Variants in ANK2 observed in about 807,000 individuals in gnomAD.
ANK2 encodes the protein ankyrin-2.
Under a neutral mutation model 360.5 loss-of-function variants are expected in ANK2, and 83 were observed. That is an observed-to-expected ratio of 0.23 (90% confidence interval 0.19 to 0.28). ANK2 has a LOEUF of 0.28. ANK2 is among the 10% of genes least tolerant of loss of function. ANK2 has a pLI of 1.00. For synonymous variants in ANK2, 1,740 were observed against 1,759.5 expected (o/e 0.99, Z 0.28); for missense variants, 4,201 against 4,795.7 (o/e 0.88, Z 3.66).
At chr4:112,925,622 GA>G in intron 2 of ANK2, among the ~76,000 whole-genome samples, 1 of 152,184 alleles carries the variant, frequency 6.6e-6, no homozygotes, top group East Asian at 1.9e-4. Context: ...ATACCTCAAA[GA>G]AATTTTTAAT....
At chr4:112,788,095 A>T in the ANK2 span, 5 of 1,552,936 alleles carry the variant, frequency 3.2e-6, no homozygotes, top group Admixed American at 5.0e-5. Context: ...AACCCAGTTT[A>T]GTGGCAAGTT....
At chr4:113,133,266 C>T (rs2096177551) in intron 1 of ANK2, among the ~76,000 whole-genome samples, 1 of 152,092 alleles carries the variant, frequency 6.6e-6, no homozygotes, top group Non-Finnish European at 1.5e-5. Flanking sequence ...TGAATGGAGA[C>T]AGCAGGTGAG....
At chr4:112,730,363 G>A in the ANK2 span, among the ~76,000 whole-genome samples, 6 of 151,140 alleles carry the variant, frequency 4.0e-5, no homozygotes, top group Non-Finnish European at 8.8e-5. Context: ...CTGGCCAGGC[G>A]CAGTGGCTCA....
Position 113,237,664 on chromosome 4 carries a change from T to A in ANK2, c.693+42T>A, listed in dbSNP as rs753880714. Reference sequence around the variant, plus strand: ...ATACCAAAATTTACCTTGTCTTTATTTTTAGTTTTTGCCCAATTGGAATAA... The same window carrying A: ...ATACCAAAATTTACCTTGTCTTTATATTTAGTTTTTGCCCAATTGGAATAA... On this transcript the variant is annotated intron_variant, in intron 7 of 45. Coordinates refer to ENST00000357077, the MANE Select transcript of ANK2 (RefSeq NM_001148.6). 1.9e-5 allele frequency: 30 copies of A among 1,545,070 alleles called. No homozygotes were observed. The Admixed American group carries it at 4.0e-4, about 21-fold the overall frequency.
rs2154019401 is a variant in ANK2, at chr4:113,353,942, A to G, written c.5324A>G (p.Lys1775Arg). ...AAGGACAAAGTAAAGGCCCTTCAGAAGCGAGTGGAAGATGAACAGAAAGGT... is the reference window on the plus strand; with the variant it reads ...AAGGACAAAGTAAAGGCCCTTCAGAGGCGAGTGGAAGATGAACAGAAAGGT... ...SIKDKVKALQ[K>R]RVEDEQKGRS... The change falls in exon 38 of 46, where the codon AAG (lysine) becomes AGG (arginine). Residue 1775 changes from lysine (K) to arginine (R), a missense_variant. Around this residue, in one of 4 missense-constraint regions of ANK2, gnomAD observed 2,642 missense variants for 2,714.5 expected, o/e 0.97. Transcript: ENST00000357077. 2 of 1,614,098 alleles carry G rather than the reference A, an allele frequency of 1.2e-6. No homozygotes were observed. Among genetic ancestry groups the G allele is most frequent in the African/African-American group, 1.3e-5 (1 of 75,042 alleles).
intron 2 of ANK2, among the ~76,000 whole-genome samples, chr4:112,945,763 A>C (rs2094507086): frequency 6.6e-6 from 1 of 152,174 alleles, no homozygotes; most frequent in Non-Finnish European, 1.5e-5. Flanking sequence ...GTTGTCTTAT[A>C]ATGCCCATTT....
intron 2 of ANK2, among the ~76,000 whole-genome samples, chr4:113,000,618 T>C (rs2050255244): frequency 6.6e-6 from 1 of 152,154 alleles, no homozygotes; most frequent in South Asian, 2.1e-4. Flanking sequence ...CATAGAATGA[T>C]ATGAAAAAAA....
In ANK2 at chr4:113,064,745, A is replaced by G. The variant is rs1472839958; in HGVS notation, c.84+14933A>G. Among the ~76,000 whole-genome samples, 3 of 150,656 alleles carry G rather than the reference A, an allele frequency of 2.0e-5. No homozygotes were observed. In the East Asian group the frequency reaches 5.9e-4, roughly 30 times the overall value. On this transcript the variant is annotated intron_variant, in intron 1 of 45. Coordinates refer to ENST00000357077, the MANE Select transcript of ANK2 (RefSeq NM_001148.6). ...GTTAGAAAGTTCTGTAGAACTTCTA[A>G]CAAAAATGTTAGAAAGTTCTGTAGA...
chr4:113,319,821 C>T lies in ANK2; in HGVS notation c.2900+1201C>T, dbSNP rs72900088. Among the ~76,000 whole-genome samples, 1,252 of 152,100 alleles carry T rather than the reference C, an allele frequency of 8.2e-3. 13 individuals carry two copies. The highest frequency in any genetic ancestry group is 0.029 in the African/African-American group (1,203 of 41,506). ...AAAGCTATAGATTACTAAAAAGATA[C>T]AACATTGCATTCTGCTAATGAACTT... On this transcript the variant is annotated intron_variant, in intron 26 of 45. Transcript: ENST00000357077.
At chr4:113,327,032 A>G (rs866301395) in intron 26 of ANK2, among the ~76,000 whole-genome samples, 2 of 152,174 alleles carry the variant, frequency 1.3e-5, no homozygotes, top group Admixed American at 1.3e-4. Flanking sequence ...TTTTCTCTGA[A>G]TTATGCATAC....
At chr4:112,731,106 A>C in the ANK2 span, among the ~76,000 whole-genome samples, 6 of 151,194 alleles carry the variant, frequency 4.0e-5, no homozygotes, top group Non-Finnish European at 5.9e-5. Flanking sequence ...ACACCACTGC[A>C]CTCCAGTCTG....
intron 1 of ANK2, among the ~76,000 whole-genome samples, chr4:113,086,850 C>T (rs193112534): frequency 1.7e-4 from 26 of 152,156 alleles, no homozygotes; most frequent in Admixed American, 1.3e-3. Flanking sequence ...GAAGGGAACT[C>T]GCTTGGCATG....
At chr4:113,127,849 G>T (rs191537757) in intron 1 of ANK2, among the ~76,000 whole-genome samples, 1 of 152,114 alleles carries the variant, frequency 6.6e-6, no homozygotes, top group East Asian at 1.9e-4. Context: ...AGATGAACAG[G>T]GCTTGGATTG....
chr4:113,315,465 T>C (rs1056377412), intron 24 of ANK2, among the ~76,000 whole-genome samples: 1 of 152,226 alleles, frequency 6.6e-6, no homozygotes, highest in Admixed American at 6.5e-5. Flanking sequence ...ATTTTCCCTT[T>C]GAGACCGGTG....
At chr4:113,375,439 C>T (rs758170269) in intron 45 of ANK2, among the ~76,000 whole-genome samples, 16 of 151,970 alleles carry the variant, frequency 1.1e-4, no homozygotes, top group African/African-American at 1.7e-4. Context: ...AATGGGTCCA[C>T]GGTTGGCCAG....
chr4:113,029,130 T>C lies in ANK2; in HGVS notation c.21+124616T>C, dbSNP rs551113443. On this transcript the variant is annotated intron_variant, in intron 2 of 30. Transcript: ENST00000503271. ...ACTCCAGGCACTTTGAACATATACA[T>C]AAGTGTGGATTATATATTACTTGCT... Among the ~76,000 whole-genome samples, 4 of 152,264 alleles carry C rather than the reference T, an allele frequency of 2.6e-5. No individual in the cohort carries two copies. In the South Asian group the frequency reaches 8.3e-4, roughly 32 times the overall value.
chr4:112,910,206 C>T (rs2086642329), intron 2 of ANK2, among the ~76,000 whole-genome samples: 1 of 152,138 alleles, frequency 6.6e-6, no homozygotes, highest in Admixed American at 6.5e-5. Flanking sequence ...AAGATCATGC[C>T]CTCCTCAGCG....
intron 1 of ANK2, among the ~76,000 whole-genome samples, chr4:112,880,088 A>C (rs556181727): frequency 6.6e-6 from 1 of 152,254 alleles, no homozygotes; most frequent in African/African-American, 2.4e-5. Flanking sequence ...ACACACACAC[A>C]CACATATACT....
chr4:113,382,944 C>T lies in ANK2; in HGVS notation c.*1473C>T, dbSNP rs1283017209. 1.3e-5 allele frequency: 2 copies of T among 152,620 alleles called. No individual in the cohort carries two copies. Among genetic ancestry groups the T allele is most frequent in the Non-Finnish European group, 2.9e-5 (2 of 68,036 alleles). 9.5% of individuals were successfully genotyped at this position (152,620 alleles called of 1,614,324 possible). On this transcript the variant is annotated 3_prime_UTR_variant, in exon 46 of 46. Coordinates refer to ENST00000357077, the MANE Select transcript of ANK2 (RefSeq NM_001148.6). Reference sequence around the variant, plus strand: ...GTTTGTCTCAAAGAAGGGACTGTAACAATCTGAGTAATTTCCATGTCCTCT... The same window carrying T: ...GTTTGTCTCAAAGAAGGGACTGTAATAATCTGAGTAATTTCCATGTCCTCT...
Sources: allele counts gnomAD v4.1 joint callset (sites outside exome capture counted in the v4.1 genomes callset), GRCh38; gene constraint gnomAD v4.1.1; regional missense constraint gnomAD v4.1.1; transcripts MANE v1.5; gene names NCBI Gene and HGNC (gene_info 2026-07-23, HGNC 2026-07-21).